The following BCL2 variants were observed in gnomAD, a reference collection of about 807,000 sequenced individuals.
BCL2 encodes the protein BCL2 apoptosis regulator.
Under a neutral mutation model 14.2 loss-of-function variants are expected in BCL2, and 1 was observed. The observed-to-expected ratio is 0.07, with a 90% CI of 0.02 to 0.33. The LOEUF is 0.33. Among genes scored for constraint, BCL2 ranks in the 10% least tolerant of loss-of-function variants. BCL2 has a pLI of 0.99. For missense variants in BCL2, 247 were observed against 305.9 expected (o/e 0.81, Z 1.44); for synonymous variants, 151 against 137.2 (o/e 1.10, Z -0.70).
At chr18:63,234,072 T>C (rs1910756325) in intron 2 of BCL2, among the ~76,000 whole-genome samples, 1 of 152,214 alleles carries the variant, frequency 6.6e-6, no homozygotes, top group Admixed American at 6.5e-5. Flanking sequence ...ATTTTCTTTT[T>C]CTTTTAAAAT....
intron 2 of BCL2, among the ~76,000 whole-genome samples, chr18:63,215,685 C>T (rs1047703822): frequency 3.9e-5 from 6 of 152,082 alleles, no homozygotes; most frequent in Non-Finnish European, 1.5e-5. Context: ...AAAATGAAAG[C>T]AAGTGTCCAT....
intron 2 of BCL2, among the ~76,000 whole-genome samples, chr18:63,300,197 G>C (rs1308723247): frequency 1.3e-5 from 2 of 152,076 alleles, no homozygotes; most frequent in Admixed American, 6.5e-5. Flanking sequence ...GATGCAGTAA[G>C]ACAGCAAAAA....
chr18:63,313,809 TG>T (rs1161763531), intron 2 of BCL2: 2 of 152,156 alleles, frequency 1.3e-5, no homozygotes, highest in Admixed American at 1.3e-4. Flanking sequence ...GAATTTTGCT[TG>T]CCTTTTTTTT....
intron 2 of BCL2, among the ~76,000 whole-genome samples, chr18:63,160,420 A>G (rs1489070430): frequency 6.6e-6 from 1 of 152,066 alleles, no homozygotes; most frequent in Non-Finnish European, 1.5e-5. Context: ...TAGGCATCAG[A>G]GTTTACATGT....
rs140370310 is a variant in BCL2, at chr18:63,289,329, C to G, written c.585+28753G>C. Among the ~76,000 whole-genome samples, 25 of 152,264 alleles carry G rather than the reference C, an allele frequency of 1.6e-4. No homozygotes were observed. In the East Asian group the frequency reaches 3.5e-3, roughly 21 times the overall value. ...AAAGATTTAGAAATCAGCGGGGTCA[C>G]TCCCAACAGGGATACTGTCATCCTG... On this transcript the variant is annotated intron_variant, in intron 2 of 2. Coordinates refer to ENST00000333681, the MANE Select transcript of BCL2 (RefSeq NM_000633.3).
chr18:63,169,231 GT>G (rs1599221370), intron 2 of BCL2, among the ~76,000 whole-genome samples: 1 of 150,588 alleles, frequency 6.6e-6, no homozygotes, highest in Non-Finnish European at 1.5e-5. Flanking sequence ...AGACAGAATA[GT>G]TTTTCCCCTT....
chr18:63,255,782 C>T (rs1453187999), intron 2 of BCL2, among the ~76,000 whole-genome samples: 2 of 151,538 alleles, frequency 1.3e-5, no homozygotes, highest in Non-Finnish European at 2.9e-5. Context: ...TAGGAAGGTG[C>T]TATATATTAC....
intron 2 of BCL2, among the ~76,000 whole-genome samples, chr18:63,260,752 C>A (rs1014706460): frequency 4.7e-5 from 7 of 150,472 alleles, no homozygotes; most frequent in Admixed American, 4.0e-4. Context: ...TGGCAGATAA[C>A]GGGGGTAGAT....
At chr18:63,247,471 T>C (rs563006158) in intron 2 of BCL2, among the ~76,000 whole-genome samples, 1 of 152,212 alleles carries the variant, frequency 6.6e-6, no homozygotes, top group South Asian at 2.1e-4. Flanking sequence ...GTGCTGGCAT[T>C]ACAAGTGTGA....
intron 2 of BCL2, among the ~76,000 whole-genome samples, chr18:63,188,978 G>A (rs1915655033): frequency 7.0e-6 from 1 of 143,184 alleles, no homozygotes; most frequent in Non-Finnish European, 1.5e-5. Flanking sequence ...ACCCTACACA[G>A]ACATTTCTTT....
intron 2 of BCL2, among the ~76,000 whole-genome samples, chr18:63,209,967 TG>T (rs1909955629): frequency 6.6e-6 from 1 of 152,176 alleles, no homozygotes; most frequent in Non-Finnish European, 1.5e-5. Context: ...AATTGGTGCA[TG>T]ATCCCCTCAA....
At chr18:63,193,193 C>T (rs1419787571) in intron 2 of BCL2, among the ~76,000 whole-genome samples, 2 of 152,168 alleles carry the variant, frequency 1.3e-5, no homozygotes, top group Non-Finnish European at 2.9e-5. Context: ...GTAGTGATTA[C>T]TGCTATTCAG....
intron 2 of BCL2, among the ~76,000 whole-genome samples, chr18:63,205,227 T>C (rs900020162): frequency 6.6e-6 from 1 of 152,222 alleles, no homozygotes; most frequent in African/African-American, 2.4e-5. Flanking sequence ...CAGCCTTCCT[T>C]TGAACCGGAA....
At chr18:63,250,680 T>C (rs1911285335) in intron 2 of BCL2, among the ~76,000 whole-genome samples, 1 of 152,250 alleles carries the variant, frequency 6.6e-6, no homozygotes, top group Admixed American at 6.5e-5. Context: ...CTTGGAATAC[T>C]GTTAAGTGAT....
intron 2 of BCL2, among the ~76,000 whole-genome samples, chr18:63,312,127 C>T (rs2849380): frequency 0.16 from 24,870 of 152,226 alleles, 2,243 homozygotes; most frequent in Middle Eastern, 0.24. Context: ...GTTATCCTCT[C>T]ACTTTGATTA....
At chr18:63,132,802 T>C (rs1326528440) in intron 2 of BCL2, among the ~76,000 whole-genome samples, 4 of 152,246 alleles carry the variant, frequency 2.6e-5, no homozygotes, top group Non-Finnish European at 4.4e-5. Context: ...TTGAAAGCTG[T>C]TTTAAATAAA....
At chr18:63,155,533 AGGGTGG>A (rs1263263366) in intron 2 of BCL2, among the ~76,000 whole-genome samples, 2 of 151,586 alleles carry the variant, frequency 1.3e-5, no homozygotes, top group African/African-American at 4.9e-5. Flanking sequence ...CCAGGAGTGC[AGGGTGG>A]GCGCGGTAAA....
chr18:63,215,620 G>T (rs12961672), intron 2 of BCL2, among the ~76,000 whole-genome samples: 1 of 152,016 alleles, frequency 6.6e-6, no homozygotes, highest in African/African-American at 2.4e-5. Context: ...ATCTAGAAGA[G>T]AGGAATTAGA....
At chr18:63,183,178 G>A (rs180719167) in intron 2 of BCL2, among the ~76,000 whole-genome samples, 66 of 152,308 alleles carry the variant, frequency 4.3e-4, no homozygotes, top group African/African-American at 1.5e-3. Context: ...GCAGATGAGC[G>A]TGCAGAAGGG....
Sources: allele counts gnomAD v4.1 joint callset (sites outside exome capture counted in the v4.1 genomes callset), GRCh38; gene constraint gnomAD v4.1.1; transcripts MANE v1.5; gene names NCBI Gene and HGNC (gene_info 2026-07-23, HGNC 2026-07-21).